The following PLBD2 variants were observed in gnomAD, a reference collection of about 807,000 sequenced individuals.
PLBD2 encodes the protein phospholipase B domain containing 2, also known as putative aminopeptidase PLBD2.
A neutral mutation model predicts 68.3 loss-of-function variants in PLBD2; 51 were observed. The observed-to-expected ratio is 0.75, with a 90% confidence interval of 0.60 to 0.94. The LOEUF is 0.94. Among genes scored for constraint, PLBD2 ranks in the 40% least tolerant of loss-of-function variants. The probability of loss-of-function intolerance (pLI) is 0.00; values close to 1 mark genes in which losing one functional copy is unlikely to be tolerated. For synonymous variants in PLBD2, 314 were observed against 339.3 expected, an observed-to-expected ratio of 0.93 and a Z score of 0.82; for missense variants, 729 against 792.2, an observed-to-expected ratio of 0.92 and a Z score of 0.96.
chr12:113,374,133 A>G (rs1248813848), intron 3 of PLBD2, among the ~76,000 whole-genome samples: 1 of 152,180 alleles, frequency 6.6e-6, no homozygotes, highest in African/African-American at 2.4e-5. Flanking sequence ...AGGCAGCAAT[A>G]CAGTCAGTAC....
chr12:113,380,871 T>C, intron 6 of PLBD2, 29 bp downstream of exon 6: 1 of 1,539,538 alleles, frequency 6.5e-7, no homozygotes, highest in Non-Finnish European at 8.8e-7. Context: ...TCTCCTCTGT[T>C]CCTGGGGTGT....
At position 113,390,601 on chromosome 12, in the gene PLBD2, T is replaced by C. The variant is rs1593295218; in HGVS notation, c.*1975T>C. ...ATCCATCTACCCACTCACCCATCCA[T>C]CCAACCTTCCAACCATTTATCCACC... On this transcript the variant is annotated 3_prime_UTR_variant, in exon 12 of 12. Transcript: ENST00000280800. The C allele has an allele frequency of 6.6e-6, 1 of 151,770 alleles. No homozygotes were observed. Among genetic ancestry groups the C allele is most frequent in the African/African-American group, 2.4e-5 (1 of 41,324 alleles). The allele number at this position is 151,770 out of a possible 1,614,324, so 9.4% of individuals were successfully genotyped here.
intron 6 of PLBD2, among the ~76,000 whole-genome samples, chr12:113,382,867 GTTTTTT>G (rs67376686): frequency 2.2e-4 from 18 of 81,790 alleles, no homozygotes; most frequent in African/African-American, 3.7e-4. Context: ...GTGTGTGTGT[GTTTTTT>G]TTTTTTTTTT....
chr12:113,385,370 AAC>A, intron 9 of PLBD2, 87 bp downstream of exon 9: 1 of 1,271,302 alleles, frequency 7.9e-7, no homozygotes, highest in South Asian at 1.3e-5. Flanking sequence ...AATGTTTTTA[AAC>A]CCACAGAACA....
intron 1 of PLBD2, among the ~76,000 whole-genome samples, chr12:113,364,600 G>GAT (rs1390571563): frequency 2.0e-5 from 3 of 151,884 alleles, no homozygotes; most frequent in Admixed American, 2.0e-4. Context: ...TGTGACTATA[G>GAT]GCAAGCACCA....
rs767004586 is a variant in PLBD2, at chr12:113,384,909, C to T, written c.1177C>T (p.Pro393Ser). The T allele has an allele frequency of 1.3e-5, 21 of 1,613,864 alleles. No individual in the cohort carries two copies. The highest frequency in any genetic ancestry group is 3.3e-4 in the Middle Eastern group (2 of 6,060). ...YKAFIPGGPS[P>S]GSRVLTILEQ... ...GGCGTTCATCCCGGGTGGGCCCAGCCCCGGGAGCCGGGTGCTTACCATCCT... is the reference window on the plus strand; with the variant it reads ...GGCGTTCATCCCGGGTGGGCCCAGCTCCGGGAGCCGGGTGCTTACCATCCT... The change falls in exon 8 of 12, where the codon CCC becomes TCC. Residue 393 changes from proline (P) to serine (S), a missense_variant. By Grantham distance (74) the Pro-to-Ser change is moderately conservative (BLOSUM62 -1). Transcript: ENST00000280800. This position sits in a 1 kb window ranked among gnomAD's most constrained non-coding sequence, Gnocchi z 4.2.
intron 1 of PLBD2, among the ~76,000 whole-genome samples, chr12:113,366,907 G>A (rs574751218): frequency 4.0e-5 from 6 of 151,056 alleles, no homozygotes; most frequent in Admixed American, 2.6e-4. Flanking sequence ...TGCAACCTCC[G>A]CCTCCCAGTT....
Position 113,389,593 on chromosome 12 carries a change from T to TCATC in PLBD2, c.*980_*983dup, listed in dbSNP as rs1957589857. On this transcript the variant is annotated 3_prime_UTR_variant, in exon 12 of 12. Coordinates refer to ENST00000280800, the MANE Select transcript of PLBD2 (RefSeq NM_173542.4). ...CTTCCACCCACCCATCCGTCTTCCA[T>TCATC]CATCCATCCATCCATCTACCTATCC... is the stretch of plus-strand genomic sequence containing the variant. The TCATC allele has an allele frequency of 6.6e-6, 1 of 151,822 alleles. No individual in the cohort carries two copies. The highest frequency in any genetic ancestry group is 1.5e-5 in the Non-Finnish European group (1 of 67,974). 9.4% of individuals were successfully genotyped at this position (151,822 alleles called of 1,614,324 possible). A position where few individuals can be genotyped will look rare whatever the true frequency, so the allele number is the denominator to read the frequency against.
chr12:113,386,667 C>A (rs1040401838), intron 9 of PLBD2, among the ~76,000 whole-genome samples: 36 of 152,208 alleles, frequency 2.4e-4, no homozygotes, highest in African/African-American at 5.8e-4. Context: ...TACAGGCACA[C>A]ACCACCGTGC....
intron 11 of PLBD2, 127 bp downstream of exon 11, chr12:113,388,033 TG>T: frequency 2.4e-6 from 3 of 1,250,654 alleles, no homozygotes; most frequent in Non-Finnish European, 2.2e-6. Flanking sequence ...GGGCTGTGGT[TG>T]GGGTCACAGT....
chr12:113,386,786 T>C (rs1957557111), intron 9 of PLBD2, 151 bp from the exon 10 acceptor site: 1 of 834,330 alleles, frequency 1.2e-6, no homozygotes, highest in East Asian at 3.2e-5. Flanking sequence ...CCCAAAGTAT[T>C]GGGATTACAG....
At chr12:113,362,741 C>T (rs1033736623) in intron 1 of PLBD2, among the ~76,000 whole-genome samples, 1 of 151,492 alleles carries the variant, frequency 6.6e-6, no homozygotes, top group African/African-American at 2.4e-5. Flanking sequence ...TTAGAGCAAA[C>T]AAGCAGAAAG....
chr12:113,364,527 G>A (rs1364564503), intron 1 of PLBD2, among the ~76,000 whole-genome samples: 2 of 151,530 alleles, frequency 1.3e-5, no homozygotes, highest in Admixed American at 1.3e-4. Context: ...GGAGTACAGT[G>A]GTGTGATCAT....
Position 113,358,876 on chromosome 12 carries a change from C to T in PLBD2, c.276C>T (p.Ala92=). Residue 92 remains alanine (A), a synonymous_variant, in exon 1 of 12, where the codon GCC becomes GCT. Coordinates refer to ENST00000280800, the MANE Select transcript of PLBD2 (RefSeq NM_173542.4). ...DAVAWANLTN[A]IRETGWAFLE... The stretch of plus-strand genomic sequence containing the variant: ...TGGCCTGGGCCAACCTCACCAACGC[C>T]ATCCGCGAGACTGGGTAAGGGTTGG... 2 of 1,526,382 alleles carry T rather than the reference C, an allele frequency of 1.3e-6. No homozygotes were observed. The highest frequency in any genetic ancestry group is 2.1e-5 in the Admixed American group (1 of 48,172). 94.6% of individuals were successfully genotyped at this position (1,526,382 alleles called of 1,614,324 possible).
chr12:113,359,436 C>T (rs55901386), intron 1 of PLBD2: 8,252 of 152,572 alleles, frequency 0.054, 312 homozygotes, highest in Non-Finnish European at 0.084. Flanking sequence ...GCAGAGGGTC[C>T]CTAAAGTCAC....
intron 2 of PLBD2, among the ~76,000 whole-genome samples, chr12:113,370,472 CT>C (rs71086162): frequency 0.032 from 3,327 of 103,700 alleles, 18 homozygotes; most frequent in Middle Eastern, 0.071. Flanking sequence ...TTTTTCTTTT[CT>C]TTTTTTTTTT....
intron 9 of PLBD2, among the ~76,000 whole-genome samples, chr12:113,386,170 T>TTTGTTG (rs369696525): frequency 1.3e-5 from 2 of 151,714 alleles, no homozygotes; most frequent in Non-Finnish European, 2.9e-5. Flanking sequence ...CATAGTTGGT[T>TTTGTTG]TTGTTGTTGT....
chr12:113,382,082 G>A (rs982693610), intron 6 of PLBD2, among the ~76,000 whole-genome samples: 7 of 152,136 alleles, frequency 4.6e-5, no homozygotes, highest in African/African-American at 7.2e-5. Context: ...CTCAGCTTCC[G>A]AAAGTGCTGG....
intron 5 of PLBD2, 81 bp from the exon 6 acceptor site, chr12:113,380,664 C>A: frequency 1.7e-6 from 2 of 1,155,580 alleles, no homozygotes; most frequent in Non-Finnish European, 2.5e-6. Context: ...TGCCCCTGTG[C>A]CTGTGTCTTG....
Sources: gnomAD v4.1 joint callset for allele counts (sites outside exome capture counted in the v4.1 genomes callset) on GRCh38, gnomAD v4.1.1 for gene constraint, Gnocchi (gnomAD v3.1) non-coding constraint, MANE v1.5 for transcripts, NCBI Gene and HGNC (gene_info 2026-07-23, HGNC 2026-07-21) for gene names.